Variants in LAMC1 observed in about 807,000 individuals in gnomAD.
LAMC1 encodes the protein laminin subunit gamma-1.
LAMC1 carries 38 observed loss-of-function variants against 173.6 expected under a neutral mutation model. The ratio of observed to expected loss-of-function variants is 0.22; its 90% CI spans 0.17 to 0.29. The LOEUF is 0.29. Among genes scored for constraint, LAMC1 ranks in the 10% least tolerant of loss-of-function variants. The probability of loss-of-function intolerance (pLI) is 1.00; values close to 1 mark genes in which losing one functional copy is unlikely to be tolerated. For missense variants in LAMC1, 1,824 were observed against 2,051.8 expected (o/e 0.89, Z 2.14); for synonymous variants, 746 against 749.1 (o/e 1.00, Z 0.07).
intron 1 of LAMC1, among the ~76,000 whole-genome samples, chr1:183,046,773 C>T (rs938644021): frequency 6.6e-6 from 1 of 152,038 alleles, no homozygotes; most frequent in African/African-American, 2.4e-5. Context: ...CCTTACCAAG[C>T]CTTAACTCTT....
Position 183,130,351 on chromosome 1 carries a change from C to G in LAMC1, c.3288C>G (p.Asp1096Glu), listed in dbSNP as rs141236732. The change falls in exon 19 of 28, where the codon GAC becomes GAG. Residue 1096 changes from aspartate to glutamate, a missense_variant. Asp to Glu is a conservative substitution (Grantham distance 45, BLOSUM62 2). Coordinates refer to ENST00000258341, the MANE Select transcript of LAMC1 (RefSeq NM_002293.4). ...TTCTGCAAACCATTTTAGATGTTGA[C>G]CAGAATTTGATGGATCGCCTACAGA... ...LREAQDVKDV[D>E]QNLMDRLQRV... 4.6e-5 allele frequency: 74 copies of G among 1,613,642 alleles called. No individual in the cohort carries two copies. The African/African-American group carries it at 6.8e-4, about 15-fold the overall frequency.
intron 5 of LAMC1, 126 bp downstream of exon 5, chr1:183,114,845 A>G: frequency 1.1e-6 from 1 of 925,710 alleles, no homozygotes; most frequent in Non-Finnish European, 1.6e-6. Context: ...GTAACACAGA[A>G]ATCAGTCAAG....
chr1:183,084,615 A>C (rs1655378608), intron 1 of LAMC1, among the ~76,000 whole-genome samples: 1 of 152,256 alleles, frequency 6.6e-6, no homozygotes, highest in Non-Finnish European at 1.5e-5. Flanking sequence ...CTAGAAGATA[A>C]GACAGTTCTC....
At chr1:183,108,605 C>G (rs535527673) in intron 3 of LAMC1, among the ~76,000 whole-genome samples, 199 bp downstream of exon 3, 22 of 152,182 alleles carry the variant, frequency 1.4e-4, no homozygotes, top group Non-Finnish European at 2.8e-4. Flanking sequence ...GTGAGATCTT[C>G]TTGTTGTTCT....
intron 1 of LAMC1, among the ~76,000 whole-genome samples, chr1:183,099,277 A>G (rs1655774089): frequency 6.6e-6 from 1 of 151,998 alleles, no homozygotes; most frequent in Admixed American, 6.6e-5. Context: ...TTTAGGAGAG[A>G]CAGGGTTTCA....
chr1:183,055,796 A>G (rs1187022359), intron 1 of LAMC1, among the ~76,000 whole-genome samples: 1 of 152,082 alleles, frequency 6.6e-6, no homozygotes, highest in Non-Finnish European at 1.5e-5. Flanking sequence ...TGGGCAACAG[A>G]GGGAGACTCC....
At chr1:183,137,886 G>A in intron 26 of LAMC1, 59 bp downstream of exon 26, 1 of 1,373,610 alleles carries the variant, frequency 7.3e-7, no homozygotes, top group Non-Finnish European at 9.7e-7. Context: ...TAATAATAAA[G>A]ATCCCCCACT....
At chr1:183,109,293 A>C (rs1656074895) in intron 3 of LAMC1, among the ~76,000 whole-genome samples, 1 of 152,238 alleles carries the variant, frequency 6.6e-6, no homozygotes, top group African/African-American at 2.4e-5. Context: ...ACAGTGGGCC[A>C]GGAGGATTAA....
intron 1 of LAMC1, among the ~76,000 whole-genome samples, chr1:183,055,678 G>A (rs1654571060): frequency 6.6e-6 from 1 of 152,238 alleles, no homozygotes; most frequent in Non-Finnish European, 1.5e-5. Flanking sequence ...TGGGCATGGT[G>A]TCGTGCACCT....
intron 23 of LAMC1, 57 bp downstream of exon 23, chr1:183,134,866 TGG>T: frequency 6.4e-7 from 1 of 1,554,358 alleles, no homozygotes; most frequent in Non-Finnish European, 8.8e-7. Flanking sequence ...ACAGTCCAAA[TGG>T]GTCTGTGATG....
Position 183,142,935 on chromosome 1 carries a change from A to C in LAMC1, c.*145A>C, listed in dbSNP as rs1196216564. 13 of 797,674 alleles carry C rather than the reference A, an allele frequency of 1.6e-5. No homozygotes were observed. Among genetic ancestry groups the C allele is most frequent in the Non-Finnish European group, 2.3e-5 (12 of 515,440 alleles). 49.4% of individuals were successfully genotyped at this position (797,674 alleles called of 1,614,324 possible). ...GTCCTTTTGAACCAGGAAAAGTCACAGAGTTTAAAGAGAAGCAAATTAAAC... is the reference window on the plus strand; with the variant it reads ...GTCCTTTTGAACCAGGAAAAGTCACCGAGTTTAAAGAGAAGCAAATTAAAC... On this transcript the variant is annotated 3_prime_UTR_variant, in exon 28 of 28. Coordinates refer to ENST00000258341, the MANE Select transcript of LAMC1 (RefSeq NM_002293.4).
chr1:183,060,470 A>G (rs1654716113), intron 1 of LAMC1, among the ~76,000 whole-genome samples: 1 of 151,884 alleles, frequency 6.6e-6, no homozygotes, highest in Non-Finnish European at 1.5e-5. Flanking sequence ...ACTCAATTCA[A>G]ACTTTATTTC....
intron 1 of LAMC1, among the ~76,000 whole-genome samples, chr1:183,099,584 T>C (rs1285453857): frequency 1.3e-5 from 2 of 152,186 alleles, no homozygotes; most frequent in Non-Finnish European, 2.9e-5. Flanking sequence ...ATTCTTTTAC[T>C]TGCCTTCCTC....
intron 3 of LAMC1, among the ~76,000 whole-genome samples, chr1:183,109,384 G>A (rs1656078510): frequency 6.6e-6 from 1 of 152,174 alleles, no homozygotes; most frequent in Non-Finnish European, 1.5e-5. Context: ...ACAAATACAT[G>A]ACATTAAGCT....
intron 2 of LAMC1, 128 bp from the exon 3 acceptor site, chr1:183,108,148 T>A: frequency 1.3e-6 from 1 of 761,076 alleles, no homozygotes; most frequent in East Asian, 2.9e-5. Flanking sequence ...AGTATTATAA[T>A]AGATTTAGTG....
intron 22 of LAMC1, 21 bp downstream of exon 22, chr1:183,133,571 C>G (rs745420680): frequency 2.5e-6 from 4 of 1,596,888 alleles, no homozygotes; most frequent in Admixed American, 1.7e-5. Flanking sequence ...AGCCTGTACG[C>G]ACAGCCCCAC....
At chr1:183,106,164 T>TC (rs982149582) in intron 2 of LAMC1, among the ~76,000 whole-genome samples, 1 of 152,128 alleles carries the variant, frequency 6.6e-6, no homozygotes, top group African/African-American at 2.4e-5. Context: ...AGGGTCTAGC[T>TC]CCGGGGTCTG....
Position 183,131,290 on chromosome 1 carries a change from C to T in LAMC1, c.3487-9C>T, listed in dbSNP as rs201334518. The T allele has an allele frequency of 2.2e-5, 35 of 1,606,334 alleles. No individual in the cohort carries two copies. The African/African-American group carries it at 3.9e-4, about 18-fold the overall frequency. On this transcript the variant is annotated splice_polypyrimidine_tract_variant and intron_variant, in intron 19 of 27. Transcript: ENST00000258341. Reference sequence around the variant, plus strand: ...TCCTTTGAGAATAAGTGCTTTATTTCCTGTGCAGTCAGTCACTCAGCCAGA... The same window carrying T: ...TCCTTTGAGAATAAGTGCTTTATTTTCTGTGCAGTCAGTCACTCAGCCAGA...
intron 3 of LAMC1, among the ~76,000 whole-genome samples, chr1:183,109,902 A>G (rs1422274843): frequency 3.3e-5 from 5 of 152,320 alleles, no homozygotes. Context: ...CCAAACATCC[A>G]TATGGGGGTG....
Sources: gnomAD v4.1 joint callset for allele counts (sites outside exome capture counted in the v4.1 genomes callset) on GRCh38, gnomAD v4.1.1 for gene constraint, MANE v1.5 for transcripts, NCBI Gene and HGNC (gene_info 2026-07-23, HGNC 2026-07-21) for gene names.